BMPR1A: variants seen among roughly 807,000 people sequenced by gnomAD.
BMPR1A encodes the protein bone morphogenetic protein receptor type-1A.
In BMPR1A, 7 loss-of-function variants were observed where a neutral mutation model predicts 66.0. The ratio of observed to expected loss-of-function variants is 0.11; its 90% CI spans 0.06 to 0.20. BMPR1A has a LOEUF of 0.20. Among genes scored for constraint, BMPR1A ranks in the 10% least tolerant of loss-of-function variants. BMPR1A has a pLI of 1.00. For missense variants in BMPR1A, 408 were observed against 669.1 expected (o/e 0.61, Z 4.31); for synonymous variants, 200 against 229.7 (o/e 0.87, Z 1.17).
chr10:86,827,129 C>G (rs1370785380), intron 1 of BMPR1A, among the ~76,000 whole-genome samples: 5 of 152,128 alleles, frequency 3.3e-5, no homozygotes, highest in Non-Finnish European at 7.4e-5. Flanking sequence ...AATTATTCCT[C>G]CCTTCCCAGA....
At chr10:86,821,391 A>G (rs1842118175) in intron 1 of BMPR1A, among the ~76,000 whole-genome samples, 1 of 152,190 alleles carries the variant, frequency 6.6e-6, no homozygotes. Context: ...ACTGTACTAT[A>G]ATTTACATTA....
At chr10:86,832,443 G>A (rs977813946) in intron 1 of BMPR1A, among the ~76,000 whole-genome samples, 1 of 150,438 alleles carries the variant, frequency 6.6e-6, no homozygotes, top group African/African-American at 2.5e-5. Context: ...TCCAGCCTGG[G>A]CGACAAGAGC....
intron 1 of BMPR1A, among the ~76,000 whole-genome samples, chr10:86,804,803 T>TG (rs540478343): frequency 2.0e-4 from 30 of 150,392 alleles, no homozygotes; most frequent in Non-Finnish European, 3.7e-4. Context: ...TTTTTTTTTT[T>TG]TTTTTTTTTT....
intron 2 of BMPR1A, among the ~76,000 whole-genome samples, chr10:86,851,552 T>C (rs554911912): frequency 7.9e-5 from 12 of 152,294 alleles, no homozygotes; most frequent in Admixed American, 2.6e-4. Context: ...GCAAAGCAGC[T>C]GTGATGTGTG....
intron 5 of BMPR1A, among the ~76,000 whole-genome samples, chr10:86,897,498 G>A (rs566910926): frequency 1.3e-5 from 2 of 152,298 alleles, no homozygotes; most frequent in Admixed American, 6.5e-5. Flanking sequence ...TCTCATCTGG[G>A]ATTCATGTCA....
At chr10:86,761,910 A>G (rs1841064691) in intron 1 of BMPR1A, among the ~76,000 whole-genome samples, 1 of 152,232 alleles carries the variant, frequency 6.6e-6, no homozygotes, top group Admixed American at 6.5e-5. Context: ...TATCTGAAAC[A>G]GCCAAGTAGG....
chr10:86,763,790 G>GTTTTTTTT lies in BMPR1A; in HGVS notation c.-268+6883_-268+6890dup, dbSNP rs5786745. ...AAATCTGTAGGAGACTTGGATAGTTGTTTTTTTTTTTTTTTTTTTGAGACG... is the reference window on the plus strand; with the variant it reads ...AAATCTGTAGGAGACTTGGATAGTTGTTTTTTTTTTTTTTTTTTTTTTTTTTTGAGACG... On this transcript the variant is annotated intron_variant, in intron 1 of 12. Transcript: ENST00000372037. 6.8e-5 allele frequency among the ~76,000 whole-genome samples: 8 copies of GTTTTTTTT among 117,422 alleles called. 1 individual carries two copies. Among genetic ancestry groups the GTTTTTTTT allele is most frequent in the Admixed American group, 1.9e-4 (2 of 10,808 alleles). 77.0% of individuals were successfully genotyped at this position (117,422 alleles called of 152,430 possible).
chr10:86,833,704 T>C (rs1842304884), intron 1 of BMPR1A, among the ~76,000 whole-genome samples: 1 of 152,168 alleles, frequency 6.6e-6, no homozygotes, highest in Admixed American at 6.5e-5. Context: ...TTTGGAAACA[T>C]GTATCTAGTT....
intron 2 of BMPR1A, among the ~76,000 whole-genome samples, chr10:86,852,129 A>C (rs1295394122): frequency 1.3e-5 from 2 of 152,102 alleles, no homozygotes; most frequent in Non-Finnish European, 2.9e-5. Flanking sequence ...TTAAAAAAAA[A>C]AAAAAGTTCT....
intron 2 of BMPR1A, among the ~76,000 whole-genome samples, chr10:86,846,187 G>A (rs1842483335): frequency 2.6e-5 from 4 of 152,120 alleles, no homozygotes; most frequent in African/African-American, 9.7e-5. Context: ...GCCCGCATCT[G>A]GAGTGTTGGT....
chr10:86,848,431 C>T (rs933056393), intron 2 of BMPR1A, among the ~76,000 whole-genome samples: 3 of 151,842 alleles, frequency 2.0e-5, no homozygotes, highest in Non-Finnish European at 4.4e-5. Flanking sequence ...TGGTAGGCCT[C>T]CTTGTACTTC....
At chr10:86,781,096 C>T (rs1277019116) in intron 1 of BMPR1A, among the ~76,000 whole-genome samples, 4 of 152,232 alleles carry the variant, frequency 2.6e-5, no homozygotes, top group East Asian at 1.9e-4. Flanking sequence ...CCTGGTGATC[C>T]GCCCGCCTTG....
At chr10:86,885,006 A>G (rs1232223211) in intron 3 of BMPR1A, among the ~76,000 whole-genome samples, 1 of 152,218 alleles carries the variant, frequency 6.6e-6, no homozygotes, top group African/African-American at 2.4e-5. Context: ...ATCAGATGTG[A>G]AAAGCCCATT....
intron 1 of BMPR1A, among the ~76,000 whole-genome samples, chr10:86,762,789 G>A (rs1841089893): frequency 6.6e-6 from 1 of 152,228 alleles, no homozygotes; most frequent in East Asian, 1.9e-4. Context: ...GGGAAGCTGG[G>A]CTGTTCAGGA....
intron 1 of BMPR1A, among the ~76,000 whole-genome samples, chr10:86,829,963 A>G (rs1017995596): frequency 2.0e-5 from 3 of 152,160 alleles, no homozygotes; most frequent in African/African-American, 7.2e-5. Context: ...AAAGCATGGG[A>G]AGGAAGACAT....
rs982360683 is a variant in BMPR1A, at chr10:86,834,735, A to G, written c.-267-4130A>G. Reference sequence around the variant, plus strand: ...CTGTTCATTTGAGTTATTTACAGCTAAAACCACATTATGTTTTTCTGGAGC... The same window carrying G: ...CTGTTCATTTGAGTTATTTACAGCTGAAACCACATTATGTTTTTCTGGAGC... On this transcript the variant is annotated intron_variant, in intron 1 of 12. Transcript: ENST00000372037. 3.9e-5 allele frequency among the ~76,000 whole-genome samples: 6 copies of G among 152,344 alleles called. No homozygotes were observed. The South Asian group carries it at 1.0e-3, about 26-fold the overall frequency.
intron 2 of BMPR1A, among the ~76,000 whole-genome samples, chr10:86,863,933 T>C (rs1410741979): frequency 6.6e-6 from 1 of 152,228 alleles, no homozygotes; most frequent in Non-Finnish European, 1.5e-5. Flanking sequence ...AACAAAACAA[T>C]TCCTTTTTAA....
chr10:86,823,851 A>T (rs1842155068), intron 1 of BMPR1A, among the ~76,000 whole-genome samples: 1 of 152,192 alleles, frequency 6.6e-6, no homozygotes. Flanking sequence ...GATCCTTGGA[A>T]GGCCACCTTA....
chr10:86,816,889 A>C (rs1842042307), intron 1 of BMPR1A, among the ~76,000 whole-genome samples: 1 of 152,184 alleles, frequency 6.6e-6, no homozygotes, highest in Non-Finnish European at 1.5e-5. Context: ...GAAAATTCTA[A>C]CAGGAATTAA....
Sources: allele counts gnomAD v4.1 joint callset (sites outside exome capture counted in the v4.1 genomes callset), GRCh38; gene constraint gnomAD v4.1.1; transcripts MANE v1.5; gene names NCBI Gene and HGNC (gene_info 2026-07-23, HGNC 2026-07-21).